Variants in DPP6 observed in about 807,000 individuals in gnomAD.
DPP6 encodes the protein dipeptidyl peptidase like 6.
Under a neutral mutation model 122.6 loss-of-function variants are expected in DPP6, and 69 were observed. The ratio of observed to expected loss-of-function variants is 0.56; its 90% CI spans 0.46 to 0.69. The LOEUF (loss-of-function observed/expected upper bound fraction) is 0.69. Among genes scored for constraint, DPP6 ranks in the 30% least tolerant of loss-of-function variants. The probability of loss-of-function intolerance (pLI) is 0.00; values close to 1 mark genes in which losing one functional copy is unlikely to be tolerated. For synonymous variants in DPP6, 418 were observed against 433.1 expected, an observed-to-expected ratio of 0.97 and a Z score of 0.43; for missense variants, 928 against 1,116.9, an observed-to-expected ratio of 0.83 and a Z score of 2.41.
chr7:154,795,759 C>T (rs1249084948), intron 11 of DPP6, 86 bp from the exon 12 acceptor site: 12 of 1,529,766 alleles, frequency 7.8e-6, no homozygotes, highest in Admixed American at 2.1e-5. Flanking sequence ...GTTTCCTGCA[C>T]TGTCGGTCAC....
At chr7:154,868,450 C>G (rs1804083218) in intron 18 of DPP6, among the ~76,000 whole-genome samples, 1 of 152,182 alleles carries the variant, frequency 6.6e-6, no homozygotes, top group South Asian at 2.1e-4. Context: ...GAAGTCCTTC[C>G]TGCCTCATCA....
chr7:154,061,915 C>T (rs1802003366), intron 1 of DPP6, among the ~76,000 whole-genome samples: 2 of 131,328 alleles, frequency 1.5e-5, no homozygotes, highest in African/African-American at 5.7e-5. Flanking sequence ...CCCCCCCTGG[C>T]TCTGAGGACC....
the DPP6 span, among the ~76,000 whole-genome samples, chr7:153,814,747 A>G: frequency 6.6e-6 from 1 of 152,110 alleles, no homozygotes; most frequent in African/African-American, 2.4e-5. Context: ...GCACATCAAA[A>G]AGCTTATCCA....
At chr7:154,617,148 G>A (rs1479227080) in intron 5 of DPP6, among the ~76,000 whole-genome samples, 3 of 152,180 alleles carry the variant, frequency 2.0e-5, no homozygotes, top group Non-Finnish European at 4.4e-5. Context: ...CCAAGCCTTG[G>A]AATTCCTACA....
the DPP6 span, among the ~76,000 whole-genome samples, chr7:153,801,641 CCTCAGAGCCTATT>C: frequency 6.6e-6 from 1 of 152,118 alleles, no homozygotes; most frequent in African/African-American, 2.4e-5. Context: ...AACAGAGGAG[CCTCAGAGCCTATT>C]TGTGGTGGGA....
the DPP6 span, among the ~76,000 whole-genome samples, chr7:153,816,941 G>A: frequency 2.0e-5 from 3 of 151,986 alleles, no homozygotes; most frequent in African/African-American, 4.8e-5. Flanking sequence ...CAAGACCAGC[G>A]GGAGAGAAAG....
At position 154,625,843 on chromosome 7, in the gene DPP6, G is replaced by C. The variant is rs1289402581; in HGVS notation, c.628-11978G>C. Among the ~76,000 whole-genome samples the C allele has an allele frequency of 4.6e-5, 7 of 152,216 alleles. No homozygotes were observed. In the South Asian group the frequency reaches 1.4e-3, roughly 31 times the overall value. On this transcript the variant is annotated intron_variant, in intron 5 of 25. Coordinates refer to ENST00000377770, the MANE Select transcript of DPP6 (RefSeq NM_130797.4). ...TTCCCACAATTCATCCCATCTCCCA[G>C]CACCTGTTTTGGATTTGGAGCCAGT...
intron 1 of DPP6, among the ~76,000 whole-genome samples, chr7:153,977,545 C>T (rs4726363): frequency 0.73 from 110,907 of 151,984 alleles, 40,719 homozygotes; most frequent in African/African-American, 0.76. Flanking sequence ...CTCATTCTTT[C>T]TTTTTGTCCT....
the DPP6 span, among the ~76,000 whole-genome samples, chr7:153,753,024 T>A: frequency 1.3e-5 from 2 of 152,240 alleles, no homozygotes; most frequent in Admixed American, 1.3e-4. Context: ...TAGGTCCTGG[T>A]AATAATTCTT....
chr7:154,375,198 T>C (rs1813025143), intron 1 of DPP6, among the ~76,000 whole-genome samples: 1 of 151,524 alleles, frequency 6.6e-6, no homozygotes, highest in South Asian at 2.1e-4. Context: ...TGGCGTGAAA[T>C]GGGGGAGTGG....
At chr7:153,825,173 C>T in the DPP6 span, among the ~76,000 whole-genome samples, 2 of 152,192 alleles carry the variant, frequency 1.3e-5, no homozygotes, top group African/African-American at 2.4e-5. Flanking sequence ...ATCTTCCTTT[C>T]ATTTTCTTTG....
chr7:154,148,127 C>G (rs3115161), intron 1 of DPP6, among the ~76,000 whole-genome samples: 4,570 of 133,728 alleles, frequency 0.034, 137 homozygotes, highest in African/African-American at 0.17. Flanking sequence ...GCCATGGCTT[C>G]CCTGAGGCTG....
chr7:153,763,098 C>T, the DPP6 span, among the ~76,000 whole-genome samples: 7 of 152,078 alleles, frequency 4.6e-5, no homozygotes, highest in Non-Finnish European at 1.0e-4. Context: ...AATCATGAGG[C>T]CCTGAAAAGT....
intron 1 of DPP6, among the ~76,000 whole-genome samples, chr7:154,096,197 G>A (rs1416800095): frequency 2.6e-5 from 2 of 76,198 alleles, no homozygotes; most frequent in African/African-American, 1.1e-4. Context: ...CGTGGAAAGC[G>A]AGTGGGATCT....
intron 1 of DPP6, among the ~76,000 whole-genome samples, chr7:153,902,671 C>G (rs540861130): frequency 2.6e-5 from 4 of 151,968 alleles, no homozygotes; most frequent in African/African-American, 7.3e-5. Context: ...CCTGTCTCTA[C>G]TAAAAATACA....
intron 10 of DPP6, among the ~76,000 whole-genome samples, chr7:154,777,981 G>A (rs980422051): frequency 2.0e-5 from 3 of 152,130 alleles, no homozygotes; most frequent in East Asian, 1.9e-4. Context: ...AAGCATGGTC[G>A]GTCCATGCAG....
Position 154,872,639 on chromosome 7 carries a change from T to C in DPP6, c.1829T>C (p.Ile610Thr), listed in dbSNP as rs1406871188. The C allele has an allele frequency of 1.9e-6, 3 of 1,602,038 alleles. No homozygotes were observed. The highest frequency in any genetic ancestry group is 2.3e-5 in the East Asian group (1 of 44,358). ...EIDDYNLPMQ[I>T]LKPATFTDTT... Reference sequence around the variant, plus strand: ...TTCTCCCCAGACCTGCCCATGCAGATACTGAAGCCAGCAACCTTCACCGAC... The same window carrying C: ...TTCTCCCCAGACCTGCCCATGCAGACACTGAAGCCAGCAACCTTCACCGAC... The change falls in exon 19 of 26, where the codon ATA becomes ACA. Residue 610 changes from isoleucine to threonine, a missense_variant. By Grantham distance (89) the Ile-to-Thr change is moderately conservative. Coordinates refer to ENST00000377770, the MANE Select transcript of DPP6 (RefSeq NM_130797.4).
chr7:153,784,669 G>A, the DPP6 span, among the ~76,000 whole-genome samples: 1 of 152,040 alleles, frequency 6.6e-6, no homozygotes, highest in African/African-American at 2.4e-5. Flanking sequence ...ATGGAACATT[G>A]GATTTTTAAT....
intron 1 of DPP6, among the ~76,000 whole-genome samples, chr7:154,372,313 A>G (rs544316334): frequency 6.6e-6 from 1 of 152,232 alleles, no homozygotes; most frequent in South Asian, 2.1e-4. Flanking sequence ...AGGATGCCTT[A>G]TTAGGAATGA....
Sources: gnomAD v4.1 joint callset for allele counts (sites outside exome capture counted in the v4.1 genomes callset) on GRCh38, gnomAD v4.1.1 for gene constraint, MANE v1.5 for transcripts, NCBI Gene and HGNC (gene_info 2026-07-23, HGNC 2026-07-21) for gene names.